The following SLC25A29 variants were observed in gnomAD, a reference collection of about 807,000 sequenced individuals.
SLC25A29 encodes mitochondrial basic amino acids transporter.
SLC25A29 carries 13 observed loss-of-function variants against 10.0 expected under a neutral mutation model. The ratio of observed to expected loss-of-function variants is 1.30; its 90% CI spans 0.85 to 2.07. The LOEUF is 2.07. Among genes scored for constraint, SLC25A29 ranks in the 30% most tolerant of loss-of-function variants. The probability of loss-of-function intolerance (pLI) is 0.00; values close to 1 mark genes in which losing one functional copy is unlikely to be tolerated. For synonymous variants in SLC25A29, 244 were observed against 221.1 expected, an observed-to-expected ratio of 1.10 and a Z score of -0.92; for missense variants, 475 against 447.6, an observed-to-expected ratio of 1.06 and a Z score of -0.55.
At chr14:100,285,589 T>TC in the SLC25A29 span, among the ~76,000 whole-genome samples, 1 of 151,562 alleles carries the variant, frequency 6.6e-6, no homozygotes, top group Non-Finnish European at 1.5e-5. Flanking sequence ...CTTACGAGCG[T>TC]CCCCCGCGCG....
chr14:100,298,990 C>T (rs531475342), intron 1 of SLC25A29, 105 bp from the exon 2 acceptor site: 45 of 1,530,700 alleles, frequency 2.9e-5, no homozygotes, highest in Middle Eastern at 3.5e-4. Flanking sequence ...GAGCTGCTGC[C>T]GGGGAAAGGA....
intron 1 of SLC25A29, chr14:100,299,658 GGTAACCATCTCT>G (rs139785579): frequency 0.054 from 53,503 of 985,406 alleles, 1,529 homozygotes; most frequent in Non-Finnish European, 0.059. Context: ...CTGTGCAGGT[GGTAACCATCTCT>G]GAGTCTTGCC....
chr14:100,306,237 G>A lies in SLC25A29; in HGVS notation c.-5C>T. The A allele has an allele frequency of 1.3e-6, 2 of 1,490,808 alleles. No individual in the cohort carries two copies. The highest frequency in any genetic ancestry group is 1.8e-6 in the Non-Finnish European group (2 of 1,123,962). The allele number at this position is 1,490,808 out of a possible 1,614,324, so 92.3% of individuals were successfully genotyped here. Reference sequence around the variant, plus strand: ...AGCCAAGAAGTCCAGCGCCATGGCCGGGTCCCCGGCGAGGCCGCCTTTCCT... The same window carrying A: ...AGCCAAGAAGTCCAGCGCCATGGCCAGGTCCCCGGCGAGGCCGCCTTTCCT... On this transcript the variant is annotated 5_prime_UTR_variant, in exon 1 of 4. Coordinates refer to ENST00000359232, the MANE Select transcript of SLC25A29 (RefSeq NM_001039355.3).
Position 100,298,827 on chromosome 14 carries a change from A to T in SLC25A29, c.78+15T>A. The T allele has an allele frequency of 6.2e-7, 1 of 1,614,206 alleles. No individual in the cohort carries two copies. Among genetic ancestry groups the T allele is most frequent in the Middle Eastern group, 1.6e-4 (1 of 6,062 alleles). On this transcript the variant is annotated intron_variant, in intron 2 of 3. Transcript: ENST00000359232. ...ATGTACGCGCCGAGGAAAAAAAAGC[A>T]GCGATGAGACTCACCTTGACCGTGT...
rs1891670387 is a variant in SLC25A29 at position 100,291,258 on chromosome 14, CCCCTGTGCCCACTAGCAGG to C, written c.*1006_*1024del. On this transcript the variant is annotated 3_prime_UTR_variant, in exon 4 of 4. Transcript: ENST00000359232. ...CTCTGCCCCAGGCCCCAACTAGCCACCCCTGTGCCCACTAGCAGGCCCTGTGCCTTCACAGGGATGAAGC... is the reference window on the plus strand; with the variant it reads ...CTCTGCCCCAGGCCCCAACTAGCCACCCCTGTGCCTTCACAGGGATGAAGC... 1 of 152,478 alleles carries C rather than the reference CCCCTGTGCCCACTAGCAGG, an allele frequency of 6.6e-6. No individual in the cohort carries two copies. Among genetic ancestry groups the C allele is most frequent in the East Asian group, 1.9e-4 (1 of 5,190 alleles). 9.4% of individuals were successfully genotyped at this position (152,478 alleles called of 1,614,324 possible).
At chr14:100,295,658 T>G in intron 2 of SLC25A29, 1 of 1,289,528 alleles carries the variant, frequency 7.8e-7, no homozygotes, top group Non-Finnish European at 1.0e-6. Flanking sequence ...TACGCCCATC[T>G]ACAACAAAGT....
chr14:100,291,934 C>T lies in SLC25A29; in HGVS notation c.*349G>A, dbSNP rs1891724828. 1 of 332,890 alleles carries T rather than the reference C, an allele frequency of 3.0e-6. No individual in the cohort carries two copies. The highest frequency in any genetic ancestry group is 5.6e-6 in the Non-Finnish European group (1 of 177,616). The allele number at this position is 332,890 out of a possible 1,614,324, so 20.6% of individuals were successfully genotyped here. A position where few individuals can be genotyped will look rare whatever the true frequency, so the allele number is the denominator to read the frequency against. ...CGGGAGCCAGCCTGCAGGGCAGGAG[C>T]ACAATGACGTGGCCAGGATCCCAGA... On this transcript the variant is annotated 3_prime_UTR_variant, in exon 4 of 4. Coordinates refer to ENST00000359232, the MANE Select transcript of SLC25A29 (RefSeq NM_001039355.3).
At position 100,306,328 on chromosome 14, in the gene SLC25A29, CG is replaced by C. The variant is rs2139820518; in HGVS notation, c.-97del. 1 of 1,217,582 alleles carries C rather than the reference CG, an allele frequency of 8.2e-7. No individual in the cohort carries two copies. Among genetic ancestry groups the C allele is most frequent in the Non-Finnish European group, 1.0e-6 (1 of 963,258 alleles). The allele number at this position is 1,217,582 out of a possible 1,614,324, so 75.4% of individuals were successfully genotyped here. Reference sequence around the variant, plus strand: ...GTCGGGGTCCCCGAGCGCGCGGTGCCGGGGCTGGGCCTGGCCGCTCCTCCTG... The same window carrying C: ...GTCGGGGTCCCCGAGCGCGCGGTGCCGGGCTGGGCCTGGCCGCTCCTCCTG... On this transcript the variant is annotated 5_prime_UTR_variant, in exon 1 of 4. Transcript: ENST00000359232.
chr14:100,288,578 A>ACCCCCTCCCCCCCCCCCCCCC (rs1891592448), downstream of SLC25A29, among the ~76,000 whole-genome samples: 1 of 139,012 alleles, frequency 7.2e-6, no homozygotes, highest in African/African-American at 2.7e-5. Flanking sequence ...GCCCTGCCTC[A>ACCCCCTCCCCCCCCCCCCCCC]CCCCCCTCCC....
intron 2 of SLC25A29, chr14:100,296,661 C>G (rs934896286): frequency 6.6e-6 from 1 of 152,196 alleles, no homozygotes; most frequent in Non-Finnish European, 1.5e-5. Context: ...TGCAGTGACG[C>G]GATCTTGGCT....
At position 100,306,407 on chromosome 14, in the gene SLC25A29, T is replaced by A. The variant is rs1370627546; in HGVS notation, c.-175A>T. 6.3e-6 allele frequency: 3 copies of A among 477,520 alleles called. No homozygotes were observed. Among genetic ancestry groups the A allele is most frequent in the Non-Finnish European group, 9.7e-6 (3 of 308,196 alleles). The allele number at this position is 477,520 out of a possible 1,614,324, so 29.6% of individuals were successfully genotyped here. A position where few individuals can be genotyped will look rare whatever the true frequency, so the allele number is the denominator to read the frequency against. ...GGATGGTGGGGATGGCGGCAGCAGC[T>A]AGACCCGCGCTGGTCCCTCGGCGGC... is the stretch of plus-strand genomic sequence containing the variant. On this transcript the variant is annotated 5_prime_UTR_variant, in exon 1 of 4. Transcript: ENST00000359232.
intron 1 of SLC25A29, among the ~76,000 whole-genome samples, chr14:100,300,132 G>T (rs1351776029): frequency 6.6e-6 from 1 of 152,176 alleles, no homozygotes; most frequent in African/African-American, 2.4e-5. Context: ...TTAGCCAGGT[G>T]TGGTGGCGGG....
Position 100,292,190 on chromosome 14 carries a change from C to T in SLC25A29, c.*93G>A, listed in dbSNP as rs1158249035. The stretch of plus-strand genomic sequence containing the variant: ...GTCTGATAGACTCCACAGCTCGCAG[C>T]ATCCCAGCAGGAAGCAGGGCAATCG... On this transcript the variant is annotated 3_prime_UTR_variant, in exon 4 of 4. Transcript: ENST00000359232. 2.0e-6 allele frequency: 3 copies of T among 1,466,668 alleles called. No homozygotes were observed. The South Asian group carries it at 3.7e-5, about 18-fold the overall frequency. The allele number at this position is 1,466,668 out of a possible 1,614,324, so 90.9% of individuals were successfully genotyped here. A position where few individuals can be genotyped will look rare whatever the true frequency, so the allele number is the denominator to read the frequency against.
intron 2 of SLC25A29, chr14:100,295,616 C>G: frequency 7.8e-7 from 1 of 1,289,056 alleles, no homozygotes; most frequent in South Asian, 1.2e-5. Context: ...TTCACCTGGT[C>G]TGTACTTACT....
chr14:100,281,138 G>C, the SLC25A29 span: 3 of 139,832 alleles, frequency 2.1e-5, no homozygotes, highest in Non-Finnish European at 4.5e-5. Flanking sequence ...TATAGGCAAA[G>C]AGAGTTGATC....
In SLC25A29 at chr14:100,292,936, G is replaced by C; in HGVS notation, c.259C>G (p.Leu87Val). 6.2e-7 allele frequency: 1 copy of C among 1,606,840 alleles called. No individual in the cohort carries two copies. Among genetic ancestry groups the C allele is most frequent in the Non-Finnish European group, 8.5e-7 (1 of 1,177,580 alleles). ...TGGTTGAGGGGCGAGTCGTGGCCCA[G>C]GGCCCGGAGGGTGTTGCCCTGCACC... ...FGVQGNTLRALGHDSPLNQFL... is the reference protein window; with the variant it reads ...FGVQGNTLRAVGHDSPLNQFL... The change falls in exon 4 of 4, where the codon CTG becomes GTG. Residue 87 changes from leucine to valine, a missense_variant. Physicochemically the swap from Leu to Val is conservative, Grantham distance 32. Coordinates refer to ENST00000359232, the MANE Select transcript of SLC25A29 (RefSeq NM_001039355.3).
chr14:100,298,500 T>C, intron 2 of SLC25A29: 1 of 389,822 alleles, frequency 2.6e-6, no homozygotes, highest in Non-Finnish European at 4.8e-6. Context: ...GAGTTTTGGT[T>C]TTTTTTGTAT....
the SLC25A29 span, chr14:100,280,914 C>T: frequency 6.6e-6 from 1 of 152,028 alleles, no homozygotes; most frequent in East Asian, 1.9e-4. Context: ...AACCTGGCCC[C>T]CTAAAAAGAA....
At chr14:100,285,387 C>A in the SLC25A29 span, among the ~76,000 whole-genome samples, 1 of 151,898 alleles carries the variant, frequency 6.6e-6, no homozygotes, top group East Asian at 1.9e-4. Flanking sequence ...CCTGGGCCCC[C>A]ACCCGCAGGG....
Sources: allele counts gnomAD v4.1 joint callset (sites outside exome capture counted in the v4.1 genomes callset), GRCh38; gene constraint gnomAD v4.1.1; transcripts MANE v1.5; gene names NCBI Gene and HGNC (gene_info 2026-07-23, HGNC 2026-07-21).